MED12L: variants seen among roughly 807,000 people sequenced by gnomAD.
MED12L encodes mediator of RNA polymerase II transcription subunit 12-like protein.
A neutral mutation model predicts 281.3 loss-of-function variants in MED12L; 60 were observed. That is an observed-to-expected ratio of 0.21 (90% CI 0.17 to 0.26). The LOEUF (loss-of-function observed/expected upper bound fraction) is 0.26. MED12L is among the 10% of genes least tolerant of loss of function. The pLI, the probability that MED12L is intolerant of heterozygous loss-of-function variation, is 1.00. For synonymous variants in MED12L, 974 were observed against 987.2 expected, an observed-to-expected ratio of 0.99 and a Z score of 0.25; for missense variants, 2,146 against 2,680.9, an observed-to-expected ratio of 0.80 and a Z score of 4.41.
intron 16 of MED12L, among the ~76,000 whole-genome samples, chr3:151,343,092 A>T (rs1486912136): frequency 6.6e-6 from 1 of 152,066 alleles, no homozygotes; most frequent in Non-Finnish European, 1.5e-5. Flanking sequence ...TCTCCCACTA[A>T]GAGGCCCCAG....
rs1719606478 is a variant in MED12L, at chr3:151,158,710, G to A, written c.748G>A (p.Glu250Lys). Reference sequence around the variant, plus strand: ...TAAGGAAGGAATGTTAGAAAAACACGAATATTTGACATGGATCCTGGATGT... The same window carrying A: ...TAAGGAAGGAATGTTAGAAAAACACAAATATTTGACATGGATCCTGGATGT... ...MFQEGMLEKHEYLTWILDVLE... is the reference protein window; with the variant it reads ...MFQEGMLEKHKYLTWILDVLE... The change falls in exon 7 of 45, where the codon GAA becomes AAA. Residue 250 changes from glutamate (E) to lysine (K), a missense_variant. Physicochemically the swap from Glu to Lys is moderately conservative, Grantham distance 56 (BLOSUM62 1). Coordinates refer to ENST00000687756, the MANE Select transcript of MED12L (RefSeq NM_001393769.1). 3.1e-6 allele frequency: 5 copies of A among 1,610,050 alleles called. No individual in the cohort carries two copies. The highest frequency in any genetic ancestry group is 1.3e-5 in the African/African-American group (1 of 74,698).
intron 26 of MED12L, among the ~76,000 whole-genome samples, chr3:151,370,693 T>C (rs1756067302): frequency 6.6e-6 from 1 of 152,200 alleles, no homozygotes; most frequent in South Asian, 2.1e-4. Context: ...AATAAATAAA[T>C]GTAGGGACCA....
At chr3:151,175,707 A>G (rs1721960769) in intron 11 of MED12L, among the ~76,000 whole-genome samples, 1 of 152,226 alleles carries the variant, frequency 6.6e-6, no homozygotes, top group South Asian at 2.1e-4. Context: ...ACATTGAATT[A>G]CTGAATTACG....
At chr3:151,093,544 A>G (rs1720334647) in intron 2 of MED12L, among the ~76,000 whole-genome samples, 1 of 152,244 alleles carries the variant, frequency 6.6e-6, no homozygotes. Flanking sequence ...TGGATAATAA[A>G]TACTACTCGA....
chr3:151,213,260 AACATGCAC>A, intron 16 of MED12L: 1 of 1,463,404 alleles, frequency 6.8e-7, no homozygotes, highest in Non-Finnish European at 9.3e-7. Context: ...TGAAGATGAC[AACATGCAC>A]ACGTGGTCTT....
At chr3:151,421,408 T>G (rs1409664452) in intron 43 of MED12L, among the ~76,000 whole-genome samples, 3 of 151,848 alleles carry the variant, frequency 2.0e-5, no homozygotes, top group Non-Finnish European at 4.4e-5. Flanking sequence ...GTTTTTTTTT[T>G]TTGTTTTGTT....
At chr3:151,330,110 C>G (rs1750182861) in intron 16 of MED12L, among the ~76,000 whole-genome samples, 1 of 152,132 alleles carries the variant, frequency 6.6e-6, no homozygotes. Flanking sequence ...ATAAATGATT[C>G]AACAGCTCTG....
At chr3:151,353,294 G>A (rs1037299957) in intron 17 of MED12L, among the ~76,000 whole-genome samples, 4 of 152,222 alleles carry the variant, frequency 2.6e-5, no homozygotes, top group African/African-American at 9.6e-5. Flanking sequence ...GATCAAAGAT[G>A]TTAGTAAATG....
At chr3:151,165,663 C>G (rs1720624839) in intron 10 of MED12L, 144 bp downstream of exon 10, 1 of 900,128 alleles carries the variant, frequency 1.1e-6, no homozygotes, top group Non-Finnish European at 1.7e-6. Flanking sequence ...TCAGTTTATG[C>G]CTTTTAGATC....
At chr3:151,273,200 A>G (rs1010634102) in intron 16 of MED12L, among the ~76,000 whole-genome samples, 1 of 151,460 alleles carries the variant, frequency 6.6e-6, no homozygotes, top group East Asian at 1.9e-4. Flanking sequence ...TGATGCTGGC[A>G]ATGACAGCAA....
At chr3:151,233,762 G>T (rs775323321) in intron 16 of MED12L, among the ~76,000 whole-genome samples, 1 of 152,130 alleles carries the variant, frequency 6.6e-6, no homozygotes, top group Non-Finnish European at 1.5e-5. Context: ...ACACAGCACC[G>T]ACTTGAGAGC....
At chr3:151,342,733 T>G (rs1486121771) in intron 16 of MED12L, among the ~76,000 whole-genome samples, 1 of 152,204 alleles carries the variant, frequency 6.6e-6, no homozygotes, top group African/African-American at 2.4e-5. Context: ...TGGAAAGGGT[T>G]GTATTGTTAT....
At chr3:151,211,391 G>T (rs200082531) in intron 16 of MED12L, among the ~76,000 whole-genome samples, 27 of 130,274 alleles carry the variant, frequency 2.1e-4, no homozygotes, top group East Asian at 2.3e-4. Context: ...TTTCGTTTTT[G>T]TTTTTTGTTT....
At chr3:151,172,489 G>T (rs372309453) in intron 11 of MED12L, among the ~76,000 whole-genome samples, 1 of 152,176 alleles carries the variant, frequency 6.6e-6, no homozygotes, top group Non-Finnish European at 1.5e-5. Context: ...TACCCATCAC[G>T]CAGTCTACTA....
intron 16 of MED12L, chr3:151,337,201 C>T (rs1380114418): frequency 6.6e-6 from 1 of 152,070 alleles, no homozygotes; most frequent in East Asian, 1.9e-4. Context: ...TAAAGGTCTT[C>T]TTTAAATCTT....
At chr3:151,098,778 CTG>C (rs1293898324) in intron 2 of MED12L, among the ~76,000 whole-genome samples, 1 of 151,986 alleles carries the variant, frequency 6.6e-6, no homozygotes, top group Non-Finnish European at 1.5e-5. Flanking sequence ...GTTTTTTGGT[CTG>C]TGGGATTGGG....
chr3:151,124,613 T>C (rs1714231993), intron 4 of MED12L, among the ~76,000 whole-genome samples: 1 of 152,228 alleles, frequency 6.6e-6, no homozygotes, highest in Non-Finnish European at 1.5e-5. Flanking sequence ...TGGCTTAAGG[T>C]TGAAAGCCTG....
rs149932501 is a variant in MED12L at position 151,322,739 on chromosome 3, C to A, written c.2251-27320C>A. ...CAGTACACTGGACTTCCTGATTCTCCTTTTCTACTAACACTACCCACTCCT... is the reference window on the plus strand; with the variant it reads ...CAGTACACTGGACTTCCTGATTCTCATTTTCTACTAACACTACCCACTCCT... On this transcript the variant is annotated intron_variant, in intron 16 of 44. Transcript: ENST00000687756. Among the ~76,000 whole-genome samples, 265 of 152,238 alleles carry A rather than the reference C, an allele frequency of 1.7e-3. 2 individuals carry two copies. The highest frequency in any genetic ancestry group is 6.1e-3 in the African/African-American group (253 of 41,538).
chr3:151,337,623 G>T, intron 16 of MED12L: 1 of 603,142 alleles, frequency 1.7e-6, no homozygotes, highest in South Asian at 2.1e-5. Flanking sequence ...CTACAGTTTA[G>T]ATTAGTTTTC....
Sources: allele counts gnomAD v4.1 joint callset (sites outside exome capture counted in the v4.1 genomes callset), GRCh38; gene constraint gnomAD v4.1.1; transcripts MANE v1.5; gene names NCBI Gene and HGNC (gene_info 2026-07-23, HGNC 2026-07-21).